GRIK2: variants seen among roughly 807,000 people sequenced by gnomAD.
GRIK2 encodes the protein glutamate receptor ionotropic, kainate 2.
Under a neutral mutation model 100.3 loss-of-function variants are expected in GRIK2, and 32 were observed. The ratio of observed to expected loss-of-function variants is 0.32; its 90% CI spans 0.24 to 0.43. The LOEUF is 0.43. Ranked by LOEUF, GRIK2 falls within the 20% of genes least tolerant of loss-of-function variation. GRIK2 has a pLI of 1.00. For missense variants in GRIK2, 843 were observed against 1,114.9 expected, an observed-to-expected ratio of 0.76 and a Z score of 3.47; for synonymous variants, 417 against 389.4, an observed-to-expected ratio of 1.07 and a Z score of -0.83.
At chr6:101,657,731 G>T (rs1769296475) in intron 4 of GRIK2, among the ~76,000 whole-genome samples, 1 of 152,112 alleles carries the variant, frequency 6.6e-6, no homozygotes, top group African/African-American at 2.4e-5. Flanking sequence ...CAACCCAAAG[G>T]TCTTTTGAGC....
intron 2 of GRIK2, among the ~76,000 whole-genome samples, chr6:101,452,499 G>A (rs1770770263): frequency 6.6e-6 from 1 of 151,532 alleles, no homozygotes; most frequent in South Asian, 2.1e-4. Flanking sequence ...CCAGGCTTGA[G>A]AAATATTGCT....
In GRIK2 at chr6:101,762,001, T is replaced by C. The variant is rs12182228; in HGVS notation, c.952-37647T>C. Among the ~76,000 whole-genome samples, 26 of 91,622 alleles carry C rather than the reference T, an allele frequency of 2.8e-4. 2 individuals are homozygous for C. Among genetic ancestry groups the C allele is most frequent in the African/African-American group, 7.6e-4 (11 of 14,446 alleles). 60.1% of individuals were successfully genotyped at this position (91,622 alleles called of 152,430 possible). ...CTTCCTTTCCTTCCTTCCTCCCTTC[T>C]TTTCTTTTCTTCCTTTCTTTCCTTT... On this transcript the variant is annotated intron_variant, in intron 7 of 16. Transcript: ENST00000369134.
chr6:101,533,413 G>GAA (rs11428364), intron 2 of GRIK2, among the ~76,000 whole-genome samples: 4 of 151,546 alleles, frequency 2.6e-5, no homozygotes, highest in East Asian at 2.0e-4. Flanking sequence ...GTATATCAGA[G>GAA]AAAAAAATAG....
chr6:101,583,319 A>G (rs537672195), intron 2 of GRIK2, among the ~76,000 whole-genome samples: 3 of 152,286 alleles, frequency 2.0e-5, no homozygotes, highest in Admixed American at 6.5e-5. Context: ...AAAGTCAGGA[A>G]GATGCACCAA....
intron 14 of GRIK2, among the ~76,000 whole-genome samples, chr6:102,019,617 A>G (rs12191457): frequency 0.022 from 3,413 of 152,102 alleles, 58 homozygotes; most frequent in Non-Finnish European, 0.036. Context: ...GTGTCAATCT[A>G]TACATGAGAT....
chr6:101,644,426 ATAAAGAC>A (rs1221089136), intron 4 of GRIK2, among the ~76,000 whole-genome samples: 1 of 151,786 alleles, frequency 6.6e-6, no homozygotes, highest in Non-Finnish European at 1.5e-5. Context: ...ATGCCCAAGA[ATAAAGAC>A]AAATGGATCA....
intron 2 of GRIK2, among the ~76,000 whole-genome samples, chr6:101,435,866 A>T (rs1428579647): frequency 6.6e-6 from 1 of 152,104 alleles, no homozygotes; most frequent in Non-Finnish European, 1.5e-5. Flanking sequence ...TCAATATCAA[A>T]GCTTCCTGGA....
chr6:101,608,536 T>G (rs9498642), intron 2 of GRIK2, among the ~76,000 whole-genome samples: 2 of 152,044 alleles, frequency 1.3e-5, no homozygotes, highest in African/African-American at 4.8e-5. Flanking sequence ...AGATTATTCC[T>G]TGACTCTACA....
At chr6:101,405,374 GAA>G (rs11288077) in intron 2 of GRIK2, among the ~76,000 whole-genome samples, 2 of 145,550 alleles carry the variant, frequency 1.4e-5, no homozygotes, top group East Asian at 2.0e-4. Context: ...TTTCTCATTT[GAA>G]AAAAAAAAGG....
chr6:101,805,292 T>A (rs986291179), intron 9 of GRIK2, among the ~76,000 whole-genome samples: 4 of 149,058 alleles, frequency 2.7e-5, no homozygotes, highest in Non-Finnish European at 5.9e-5. Flanking sequence ...ACCGAACTTC[T>A]CTGTGCCAAA....
chr6:101,748,493 T>TA (rs1776584723), intron 7 of GRIK2, among the ~76,000 whole-genome samples: 1 of 152,020 alleles, frequency 6.6e-6, no homozygotes, highest in Non-Finnish European at 1.5e-5. Flanking sequence ...CATTTTTTGG[T>TA]AAAAAATGGT....
At chr6:102,050,942 C>T (rs1420077917) in intron 15 of GRIK2, among the ~76,000 whole-genome samples, 1 of 152,064 alleles carries the variant, frequency 6.6e-6, no homozygotes. Flanking sequence ...AGTTTAATCT[C>T]TTAAGGAGTT....
rs146859200 is a variant in GRIK2, at chr6:101,869,812, T to C, written c.1524+10319T>C. 8.8e-3 allele frequency among the ~76,000 whole-genome samples: 1,337 copies of C among 151,960 alleles called. 11 individuals are homozygous for C. The highest frequency in any genetic ancestry group is 9.8e-3 in the Non-Finnish European group (667 of 67,924). On this transcript the variant is annotated intron_variant, in intron 11 of 16. Coordinates refer to ENST00000369134, the MANE Select transcript of GRIK2 (RefSeq NM_021956.5). ...AGTTTTAGTATTCAGGTTCCAGTCA[T>C]GTCCCAGTTTTACCGGTATAGAGGG...
At chr6:101,425,798 G>A (rs1358271406) in intron 2 of GRIK2, among the ~76,000 whole-genome samples, 2 of 151,998 alleles carry the variant, frequency 1.3e-5, no homozygotes, top group African/African-American at 2.4e-5. Context: ...GCATTCCCCT[G>A]GCTTCTACTA....
intron 2 of GRIK2, among the ~76,000 whole-genome samples, chr6:101,607,654 T>A (rs2128312120): frequency 6.6e-6 from 1 of 152,016 alleles, no homozygotes; most frequent in African/African-American, 2.4e-5. Context: ...CAGAAAAGTG[T>A]CTATTTAAAG....
intron 7 of GRIK2, among the ~76,000 whole-genome samples, chr6:101,694,888 AT>A (rs1219080965): frequency 6.6e-6 from 1 of 151,482 alleles, no homozygotes; most frequent in Admixed American, 6.6e-5. Context: ...AACCAATGCC[AT>A]ATAAAAAAAT....
At chr6:101,478,910 G>A (rs911134023) in intron 2 of GRIK2, among the ~76,000 whole-genome samples, 1 of 152,024 alleles carries the variant, frequency 6.6e-6, no homozygotes, top group Non-Finnish European at 1.5e-5. Flanking sequence ...ATTTGTGGCA[G>A]CATACCCTTA....
Position 101,599,331 on chromosome 6 carries a change from T to A in GRIK2, c.116-22618T>A, listed in dbSNP as rs113329197. Among the ~76,000 whole-genome samples the A allele has an allele frequency of 1.9e-3, 283 of 151,840 alleles. 2 individuals are homozygous for A. Among genetic ancestry groups the A allele is most frequent in the African/African-American group, 6.5e-3 (270 of 41,492 alleles). On this transcript the variant is annotated intron_variant, in intron 2 of 16. Transcript: ENST00000369134. ...ATCAGTCCCCTATTGATGGGCACCT[T>A]GGTTGATTCCCTGTCTTTGCTGTTG...
chr6:101,941,262 A>G (rs992357669), intron 14 of GRIK2, among the ~76,000 whole-genome samples: 4 of 152,100 alleles, frequency 2.6e-5, no homozygotes, highest in African/African-American at 9.6e-5. Context: ...ATGAAGTTAC[A>G]CTATTAAGAA....
Sources: allele counts gnomAD v4.1 joint callset (sites outside exome capture counted in the v4.1 genomes callset), GRCh38; gene constraint gnomAD v4.1.1; transcripts MANE v1.5; gene names NCBI Gene and HGNC (gene_info 2026-07-23, HGNC 2026-07-21).